Variants in LPAR1 observed in about 807,000 individuals in gnomAD.
The protein encoded by LPAR1 is LPA receptor 1.
LPAR1 carries 5 observed loss-of-function variants against 23.8 expected under a neutral mutation model. The ratio of observed to expected loss-of-function variants is 0.21; its 90% CI spans 0.11 to 0.44. The LOEUF (loss-of-function observed/expected upper bound fraction) is 0.44, where lower values mean the gene tolerates loss of function less well. Ranked by LOEUF, LPAR1 falls within the 20% of genes least tolerant of loss-of-function variation. The probability of loss-of-function intolerance (pLI) is 0.99; values close to 1 mark genes in which losing one functional copy is unlikely to be tolerated. For synonymous variants in LPAR1, 160 were observed against 164.7 expected (o/e 0.97, Z 0.22); for missense variants, 311 against 482.8 (o/e 0.64, Z 3.33).
At chr9:111,011,537 T>G (rs2097331623) in intron 2 of LPAR1, among the ~76,000 whole-genome samples, 1 of 152,200 alleles carries the variant, frequency 6.6e-6, no homozygotes, top group Admixed American at 6.5e-5. Flanking sequence ...TTTAAACACT[T>G]CAAATCTTAC....
rs1298856018 is a variant in LPAR1 at position 110,942,150 on chromosome 9, G to T, written c.64C>A (p.Pro22Thr). Reference protein sequence around the residue: ...SQPQFTAMNEPQCFYNESIAF... With the variant: ...SQPQFTAMNETQCFYNESIAF... ...ATGGACTCGTTGTAGAAGCACTGTG[G>T]TTCATTCATGGCTGTGAACTAAAAG... The change falls in exon 5 of 6, where the codon CCA becomes ACA. Residue 22 changes from proline (P) to threonine (T), a missense_variant. Around this residue, in one of 2 missense-constraint regions of LPAR1, gnomAD observed 61 missense variants for 55.6 expected, o/e 1.10. Transcript: ENST00000683809. 1 of 1,613,092 alleles carries T rather than the reference G, an allele frequency of 6.2e-7. No homozygotes were observed. Among genetic ancestry groups the T allele is most frequent in the South Asian group, 1.1e-5 (1 of 90,796 alleles).
At chr9:110,948,507 G>A (rs1234705652) in intron 4 of LPAR1, among the ~76,000 whole-genome samples, 3 of 152,072 alleles carry the variant, frequency 2.0e-5, no homozygotes, top group African/African-American at 4.8e-5. Flanking sequence ...AAGAAACTGT[G>A]CAACACATAA....
chr9:110,972,474 T>C (rs1326376221), intron 3 of LPAR1, among the ~76,000 whole-genome samples: 1 of 152,090 alleles, frequency 6.6e-6, no homozygotes, highest in Non-Finnish European at 1.5e-5. Flanking sequence ...GGGAAGACAG[T>C]TTCAAGTTGC....
chr9:110,947,362 T>C (rs995630098), intron 4 of LPAR1, among the ~76,000 whole-genome samples: 5 of 152,178 alleles, frequency 3.3e-5, no homozygotes, highest in African/African-American at 9.7e-5. Context: ...AATTCAGTTG[T>C]CCTCAAAACT....
intron 5 of LPAR1, among the ~76,000 whole-genome samples, chr9:110,937,860 G>A (rs1228002120): frequency 1.3e-5 from 2 of 152,146 alleles, no homozygotes; most frequent in Non-Finnish European, 2.9e-5. Flanking sequence ...ATCATTCCCA[G>A]AATAAATGGA....
intron 5 of LPAR1, among the ~76,000 whole-genome samples, chr9:110,897,020 C>T (rs949368324): frequency 3.9e-5 from 6 of 152,086 alleles, no homozygotes; most frequent in African/African-American, 1.4e-4. Context: ...ATCTCCTGAC[C>T]TCATGATCTG....
intron 5 of LPAR1, among the ~76,000 whole-genome samples, chr9:110,932,748 T>C (rs909102902): frequency 2.6e-5 from 4 of 152,234 alleles, no homozygotes; most frequent in Middle Eastern, 3.2e-3. Flanking sequence ...GGGATCTAGA[T>C]TGCGTGCTTC....
chr9:110,957,791 A>T (rs1170130679), intron 4 of LPAR1, among the ~76,000 whole-genome samples: 2 of 152,164 alleles, frequency 1.3e-5, no homozygotes, highest in Non-Finnish European at 2.9e-5. Flanking sequence ...GAGGAAGGCA[A>T]ATTGCCCCCC....
intron 2 of LPAR1, among the ~76,000 whole-genome samples, chr9:110,992,241 G>A (rs991002107): frequency 3.9e-5 from 6 of 151,910 alleles, no homozygotes; most frequent in East Asian, 1.9e-4. Flanking sequence ...GATAATATAC[G>A]GATGGCAGAT....
chr9:110,945,176 T>C (rs1359213847), intron 4 of LPAR1, among the ~76,000 whole-genome samples: 5 of 152,178 alleles, frequency 3.3e-5, no homozygotes, highest in Non-Finnish European at 5.9e-5. Flanking sequence ...CCAATGGCAG[T>C]AAGAAGGGCA....
chr9:111,004,503 G>A (rs998849346), intron 2 of LPAR1, among the ~76,000 whole-genome samples: 1 of 152,064 alleles, frequency 6.6e-6, no homozygotes, highest in Non-Finnish European at 1.5e-5. Context: ...AAAACCTTAA[G>A]ATCACTGACC....
intron 5 of LPAR1, among the ~76,000 whole-genome samples, chr9:110,890,990 A>G (rs2083978956): frequency 6.6e-6 from 1 of 152,262 alleles, no homozygotes; most frequent in Non-Finnish European, 1.5e-5. Flanking sequence ...CTTATTTAAC[A>G]ACGATATACT....
At chr9:111,032,304 C>A (rs2097812187) in intron 2 of LPAR1, among the ~76,000 whole-genome samples, 1 of 152,156 alleles carries the variant, frequency 6.6e-6, no homozygotes, top group South Asian at 2.1e-4. Flanking sequence ...AGATCCTAAC[C>A]TTCCAGGAGC....
At chr9:110,939,349 T>G (rs1345238373) in intron 5 of LPAR1, among the ~76,000 whole-genome samples, 1 of 152,232 alleles carries the variant, frequency 6.6e-6, no homozygotes, top group African/African-American at 2.4e-5. Context: ...TTCTGTTTCC[T>G]ATATTACAAT....
At chr9:110,987,831 C>G (rs1345523722) in intron 2 of LPAR1, among the ~76,000 whole-genome samples, 1 of 151,350 alleles carries the variant, frequency 6.6e-6, no homozygotes. Flanking sequence ...GTCCCCAAAG[C>G]AAAAAGGGAG....
chr9:110,948,658 T>G (rs554328910), intron 4 of LPAR1, among the ~76,000 whole-genome samples: 4 of 152,266 alleles, frequency 2.6e-5, no homozygotes, highest in African/African-American at 9.6e-5. Context: ...AAAAATTCAC[T>G]AAAAACACTA....
Position 110,896,268 on chromosome 9 carries a change from T to A in LPAR1, c.794-20546A>T, listed in dbSNP as rs61566431. On this transcript the variant is annotated intron_variant, in intron 5 of 5. Coordinates refer to ENST00000683809, the MANE Select transcript of LPAR1 (RefSeq NM_001351411.2). The stretch of plus-strand genomic sequence containing the variant: ...AAAACATTGCTGACAATTTTCTTTT[T>A]GACAGTTATTTTTCAGACTCCTGCT... 3.2e-3 allele frequency among the ~76,000 whole-genome samples: 494 copies of A among 152,354 alleles called. 2 individuals are homozygous for A. Among genetic ancestry groups the A allele is most frequent in the African/African-American group, 0.011 (470 of 41,578 alleles).
intron 4 of LPAR1, among the ~76,000 whole-genome samples, chr9:110,960,122 G>C (rs2095908270): frequency 6.6e-6 from 1 of 151,928 alleles, no homozygotes; most frequent in South Asian, 2.1e-4. Context: ...GAAAATGTAT[G>C]GTATATTTCC....
chr9:110,957,445 C>G (rs2095801961), intron 4 of LPAR1, among the ~76,000 whole-genome samples: 1 of 151,814 alleles, frequency 6.6e-6, no homozygotes, highest in South Asian at 2.1e-4. Context: ...ATATGCAAAT[C>G]AATAAACACA....
Sources: gnomAD v4.1 joint callset for allele counts (sites outside exome capture counted in the v4.1 genomes callset) on GRCh38, gnomAD v4.1.1 for gene constraint, gnomAD v4.1.1 regional missense constraint, MANE v1.5 for transcripts, NCBI Gene and HGNC (gene_info 2026-07-23, HGNC 2026-07-21) for gene names.